Variants in AMBRA1 observed in about 807,000 individuals in gnomAD.
AMBRA1 encodes activating molecule in BECN1-regulated autophagy protein 1.
In AMBRA1, 47 loss-of-function variants were observed where a neutral mutation model predicts 125.4. That is an observed-to-expected ratio of 0.37 (90% CI 0.30 to 0.48). The LOEUF (loss-of-function observed/expected upper bound fraction) is 0.48. Among genes scored for constraint, AMBRA1 ranks in the 20% least tolerant of loss-of-function variants. The pLI, the probability that AMBRA1 is intolerant of heterozygous loss-of-function variation, is 0.99. For synonymous variants in AMBRA1, 626 were observed against 655.5 expected, an observed-to-expected ratio of 0.95 and a Z score of 0.69; for missense variants, 1,331 against 1,693.4, an observed-to-expected ratio of 0.79 and a Z score of 3.76.
chr11:46,471,818 G>A (rs1236636334), intron 11 of AMBRA1, among the ~76,000 whole-genome samples: 1 of 151,686 alleles, frequency 6.6e-6, no homozygotes, highest in African/African-American at 2.4e-5. Flanking sequence ...AGTAGAGATG[G>A]GGTTTCATCA....
intron 17 of AMBRA1, among the ~76,000 whole-genome samples, chr11:46,404,190 A>G (rs966951199): frequency 6.6e-6 from 1 of 152,204 alleles, no homozygotes; most frequent in Non-Finnish European, 1.5e-5. Flanking sequence ...TCTTGTCTCA[A>G]AAAATAAAAA....
intron 1 of AMBRA1, among the ~76,000 whole-genome samples, chr11:46,573,709 A>T (rs1411610925): frequency 6.9e-6 from 1 of 144,820 alleles, no homozygotes; most frequent in Admixed American, 7.0e-5. Flanking sequence ...GTACATGTGC[A>T]TATTGTGCAG....
At chr11:46,400,941 C>A (rs1342239939) in intron 17 of AMBRA1, among the ~76,000 whole-genome samples, 1 of 152,180 alleles carries the variant, frequency 6.6e-6, no homozygotes, top group Non-Finnish European at 1.5e-5. Context: ...GGAGAGAAAA[C>A]CTGAAGGGCT....
intron 1 of AMBRA1, among the ~76,000 whole-genome samples, chr11:46,586,103 C>T (rs574770316): frequency 1.5e-4 from 23 of 152,126 alleles, no homozygotes; most frequent in African/African-American, 7.2e-5. Flanking sequence ...TGCACCCAGC[C>T]GAAAATAATA....
At chr11:46,459,247 C>T (rs1438086143) in intron 11 of AMBRA1, among the ~76,000 whole-genome samples, 1 of 151,938 alleles carries the variant, frequency 6.6e-6, no homozygotes, top group Admixed American at 6.6e-5. Context: ...TTTTTTATTA[C>T]ACATAGAAAA....
At chr11:46,409,816 A>T (rs1946199395) in intron 16 of AMBRA1, among the ~76,000 whole-genome samples, 1 of 152,252 alleles carries the variant, frequency 6.6e-6, no homozygotes, top group Admixed American at 6.5e-5. Context: ...GCTTTGTTCC[A>T]GTCTTCATTA....
At chr11:46,554,013 T>C (rs1471653381) in intron 1 of AMBRA1, among the ~76,000 whole-genome samples, 1 of 152,164 alleles carries the variant, frequency 6.6e-6, no homozygotes, top group Non-Finnish European at 1.5e-5. Flanking sequence ...AATCTAGACC[T>C]GAACCCAGGG....
intron 11 of AMBRA1, among the ~76,000 whole-genome samples, chr11:46,461,602 G>C (rs1949091528): frequency 6.6e-6 from 1 of 152,160 alleles, no homozygotes; most frequent in African/African-American, 2.4e-5. Flanking sequence ...AAATTCCAGA[G>C]GCAGGCAGAA....
At chr11:46,559,408 G>A (rs770270944) in intron 1 of AMBRA1, among the ~76,000 whole-genome samples, 16 of 152,138 alleles carry the variant, frequency 1.1e-4, no homozygotes, top group Admixed American at 2.0e-4. Context: ...GAGAGGGCCA[G>A]GCAAGAGAGT....
At chr11:46,523,014 G>A (rs1464866936) in intron 7 of AMBRA1, among the ~76,000 whole-genome samples, 1 of 152,148 alleles carries the variant, frequency 6.6e-6, no homozygotes, top group Non-Finnish European at 1.5e-5. Context: ...CAGTGTGCTG[G>A]GGTGTTTATT....
intron 7 of AMBRA1, among the ~76,000 whole-genome samples, chr11:46,527,362 C>A (rs950479995): frequency 3.3e-5 from 5 of 151,496 alleles, no homozygotes; most frequent in Admixed American, 1.3e-4. Flanking sequence ...CACCTGTAAT[C>A]CCAACTACTT....
At chr11:46,568,803 C>CTTTTTTTTTTTTTT (rs774631588) in intron 1 of AMBRA1, among the ~76,000 whole-genome samples, 5 of 96,478 alleles carry the variant, frequency 5.2e-5, no homozygotes, top group African/African-American at 2.3e-4. Context: ...TCAACCCTAC[C>CTTTTTTTTTTTTTT]TTTTTTTTTT....
intron 1 of AMBRA1, among the ~76,000 whole-genome samples, chr11:46,570,661 A>AT (rs951397636): frequency 6.6e-6 from 1 of 151,440 alleles, no homozygotes; most frequent in Non-Finnish European, 1.5e-5. Flanking sequence ...TGCTGTTAAT[A>AT]TTTTTTTTTA....
intron 7 of AMBRA1, among the ~76,000 whole-genome samples, chr11:46,518,635 C>A (rs1319063663): frequency 6.6e-6 from 1 of 152,010 alleles, no homozygotes; most frequent in Non-Finnish European, 1.5e-5. Context: ...ATACCTACTG[C>A]CTAGCCCTTT....
rs1304310087 is a variant in AMBRA1 at position 46,397,938 on chromosome 11, C to G, written c.3409G>C (p.Gly1137Arg). 1.9e-6 allele frequency: 3 copies of G among 1,588,134 alleles called. No individual in the cohort carries two copies. Among genetic ancestry groups the G allele is most frequent in the Non-Finnish European group, 2.6e-6 (3 of 1,171,110 alleles). ...TAASGPGEGE[G>R]SEYGASGEDA... ...TCTCCACTGGCACCATACTCTGAAC[C>G]CTCACCTGGCAGATACAAAGCAGAA... The change falls in exon 18 of 18, where the codon GGT (glycine) becomes CGT (arginine). Residue 1137 changes from glycine to arginine, a missense_variant. Around this residue, in one of 4 missense-constraint regions of AMBRA1, gnomAD observed 354 missense variants for 532.7 expected, o/e 0.66. Transcript: ENST00000683756.
At chr11:46,551,141 G>A (rs1462623937) in intron 1 of AMBRA1, among the ~76,000 whole-genome samples, 4 of 150,018 alleles carry the variant, frequency 2.7e-5, no homozygotes, top group Non-Finnish European at 4.4e-5. Flanking sequence ...ATATATTGTC[G>A]AGAGAAAAAA....
chr11:46,588,992 ATAAG>A (rs1328983223), intron 1 of AMBRA1, among the ~76,000 whole-genome samples: 14 of 152,206 alleles, frequency 9.2e-5, no homozygotes, highest in Non-Finnish European at 2.1e-4. Flanking sequence ...AAGGACTCTT[ATAAG>A]TAATAAATGA....
chr11:46,427,504 C>T (rs1270296621), intron 14 of AMBRA1, among the ~76,000 whole-genome samples: 2 of 152,214 alleles, frequency 1.3e-5, no homozygotes, highest in African/African-American at 4.8e-5. Flanking sequence ...GCCCATGGTT[C>T]GTTCTTAACT....
intron 14 of AMBRA1, among the ~76,000 whole-genome samples, chr11:46,418,344 T>TTA (rs10636730): frequency 4.7e-5 from 3 of 64,216 alleles, no homozygotes; most frequent in South Asian, 5.3e-4. Flanking sequence ...ATTTTATTAT[T>TTA]TATATAAATA....
Sources: allele counts gnomAD v4.1 joint callset (sites outside exome capture counted in the v4.1 genomes callset), GRCh38; gene constraint gnomAD v4.1.1; regional missense constraint gnomAD v4.1.1; transcripts MANE v1.5; gene names NCBI Gene and HGNC (gene_info 2026-07-23, HGNC 2026-07-21).